The following ALCAM variants were observed in gnomAD, a reference collection of about 807,000 sequenced individuals.
ALCAM encodes CD166 antigen.
A neutral mutation model predicts 70.9 loss-of-function variants in ALCAM; 30 were observed. That is an observed-to-expected ratio of 0.42 (90% CI 0.32 to 0.57). The LOEUF (loss-of-function observed/expected upper bound fraction) is 0.57. Among genes scored for constraint, ALCAM ranks in the 20% least tolerant of loss-of-function variants. The pLI is 0.11. For missense variants in ALCAM, 591 were observed against 695.1 expected (o/e 0.85, Z 1.68); for synonymous variants, 249 against 242.5 (o/e 1.03, Z -0.25).
chr3:105,426,563 T>A (rs1258389464), intron 1 of ALCAM, among the ~76,000 whole-genome samples: 1 of 151,940 alleles, frequency 6.6e-6, no homozygotes, highest in East Asian at 1.9e-4. Flanking sequence ...GTATTATATA[T>A]CATAGTAGTC....
intron 1 of ALCAM, among the ~76,000 whole-genome samples, chr3:105,432,305 C>A (rs1936954285): frequency 6.6e-6 from 1 of 152,008 alleles, no homozygotes; most frequent in Non-Finnish European, 1.5e-5. Flanking sequence ...TGAAATAAGT[C>A]CCCTTTTTCT....
At chr3:105,474,924 T>TAAA (rs150815121) in intron 1 of ALCAM, among the ~76,000 whole-genome samples, 2 of 148,192 alleles carry the variant, frequency 1.3e-5, no homozygotes, top group African/African-American at 4.9e-5. Context: ...TATCCCTGTG[T>TAAA]AAAAAAAAAA....
intron 1 of ALCAM, among the ~76,000 whole-genome samples, chr3:105,461,672 G>A (rs1937606898): frequency 6.6e-6 from 1 of 151,726 alleles, no homozygotes; most frequent in African/African-American, 2.4e-5. Flanking sequence ...GGAAGACAGT[G>A]AGTAGCTTAT....
intron 1 of ALCAM, among the ~76,000 whole-genome samples, chr3:105,379,861 C>T (rs1052510521): frequency 6.6e-6 from 1 of 151,582 alleles, no homozygotes; most frequent in Non-Finnish European, 1.5e-5. Context: ...AAAATGCTTC[C>T]ACAAATAATA....
chr3:105,381,450 CAAAT>C (rs1215090622), intron 1 of ALCAM, among the ~76,000 whole-genome samples: 2 of 151,892 alleles, frequency 1.3e-5, no homozygotes, highest in South Asian at 2.1e-4. Flanking sequence ...CTCTGTAAAA[CAAAT>C]AAACCATTCA....
At chr3:105,466,809 AT>A (rs561878918) in intron 1 of ALCAM, among the ~76,000 whole-genome samples, 4 of 150,700 alleles carry the variant, frequency 2.7e-5, no homozygotes, top group African/African-American at 7.3e-5. Context: ...TGGATGTTGG[AT>A]TTTTTTTTCA....
chr3:105,554,875 T>G (rs769331126), intron 14 of ALCAM, among the ~76,000 whole-genome samples: 17 of 151,936 alleles, frequency 1.1e-4, no homozygotes, highest in Non-Finnish European at 1.6e-4. Context: ...TTCTGAATAC[T>G]CCACAGTAAT....
intron 1 of ALCAM, among the ~76,000 whole-genome samples, chr3:105,467,542 A>G (rs1413877104): frequency 6.6e-6 from 1 of 151,234 alleles, no homozygotes; most frequent in Non-Finnish European, 1.5e-5. Flanking sequence ...AACTTCTCAT[A>G]TTATAATCTT....
chr3:105,436,892 G>A (rs1396526631), intron 1 of ALCAM, among the ~76,000 whole-genome samples: 2 of 152,072 alleles, frequency 1.3e-5, no homozygotes, highest in Non-Finnish European at 2.9e-5. Context: ...ATGACTGCTA[G>A]GTTATCACAA....
intron 3 of ALCAM, 35 bp downstream of exon 3, chr3:105,524,543 G>T (rs1939646814): frequency 6.2e-7 from 1 of 1,612,388 alleles, no homozygotes. Flanking sequence ...TGCTAAGTGG[G>T]ATTGATGGCC....
intron 1 of ALCAM, among the ~76,000 whole-genome samples, chr3:105,494,111 T>G (rs1292047611): frequency 1.3e-5 from 2 of 152,192 alleles, no homozygotes; most frequent in Non-Finnish European, 2.9e-5. Flanking sequence ...GAAACTAATT[T>G]TTCTTTACTA....
At chr3:105,469,681 C>T (rs1937865165) in intron 1 of ALCAM, among the ~76,000 whole-genome samples, 1 of 151,028 alleles carries the variant, frequency 6.6e-6, no homozygotes. Flanking sequence ...GAATTTGTAT[C>T]TGTAGGGAAG....
intron 1 of ALCAM, among the ~76,000 whole-genome samples, chr3:105,485,957 T>G (rs1368198757): frequency 6.6e-6 from 1 of 151,978 alleles, no homozygotes; most frequent in Non-Finnish European, 1.5e-5. Flanking sequence ...AAGCAAGTAC[T>G]TGCTCCTCTT....
chr3:105,403,987 C>G (rs887845474), intron 1 of ALCAM, among the ~76,000 whole-genome samples: 1 of 150,736 alleles, frequency 6.6e-6, no homozygotes, highest in Non-Finnish European at 1.5e-5. Context: ...GAAGACGGAA[C>G]TTCAGAGCTC....
At chr3:105,565,065 C>T (rs760006381) in intron 14 of ALCAM, among the ~76,000 whole-genome samples, 14 of 151,992 alleles carry the variant, frequency 9.2e-5, no homozygotes, top group East Asian at 1.9e-4. Context: ...GTGGGATGAT[C>T]GCTTGAGTCC....
intron 3 of ALCAM, 118 bp downstream of exon 3, chr3:105,524,626 G>A (rs1559821499): frequency 5.5e-6 from 8 of 1,450,930 alleles, no homozygotes; most frequent in Non-Finnish European, 7.3e-6. Flanking sequence ...TCTATATAAG[G>A]GGACTTAAAG....
chr3:105,428,288 A>G (rs1559788181), intron 1 of ALCAM, among the ~76,000 whole-genome samples: 1 of 152,002 alleles, frequency 6.6e-6, no homozygotes, highest in Non-Finnish European at 1.5e-5. Context: ...TGGAAACAAT[A>G]AAGCCTAAAA....
chr3:105,402,938 CTTT>C (rs58126212), intron 1 of ALCAM, among the ~76,000 whole-genome samples: 4 of 117,220 alleles, frequency 3.4e-5, no homozygotes, highest in Non-Finnish European at 5.4e-5. Context: ...AGCTGATGCG[CTTT>C]TTTTTTTTTT....
At chr3:105,556,060 T>A (rs762832292) in intron 14 of ALCAM, among the ~76,000 whole-genome samples, 13 of 152,120 alleles carry the variant, frequency 8.5e-5, no homozygotes, top group Non-Finnish European at 1.5e-4. Context: ...TTTCAGTGGT[T>A]ACCTTCTACT....
Sources: gnomAD v4.1 joint callset for allele counts (sites outside exome capture counted in the v4.1 genomes callset) on GRCh38, gnomAD v4.1.1 for gene constraint, MANE v1.5 for transcripts, NCBI Gene and HGNC (gene_info 2026-07-23, HGNC 2026-07-21) for gene names.